Variants in RHOH observed in about 807,000 individuals in gnomAD.
The protein encoded by RHOH is rho-related GTP-binding protein RhoH.
Under a neutral mutation model 13.8 loss-of-function variants are expected in RHOH, and 6 were observed. That is an observed-to-expected ratio of 0.44 (90% confidence interval 0.24 to 0.86). The LOEUF (loss-of-function observed/expected upper bound fraction) is 0.86. Among genes scored for constraint, RHOH ranks in the 40% least tolerant of loss-of-function variants. RHOH has a pLI of 0.24. For missense variants in RHOH, 147 were observed against 244.5 expected, an observed-to-expected ratio of 0.60 and a Z score of 2.66; for synonymous variants, 117 against 103.0, an observed-to-expected ratio of 1.14 and a Z score of -0.82.
intron 1 of RHOH, among the ~76,000 whole-genome samples, chr4:40,197,525 C>T (rs1723343545): frequency 1.3e-5 from 2 of 152,210 alleles, no homozygotes; most frequent in South Asian, 2.1e-4. Context: ...TGAAAAGTTA[C>T]AATAGTTGGC....
At chr4:40,205,376 A>C (rs918571618) in intron 1 of RHOH, among the ~76,000 whole-genome samples, 1 of 152,244 alleles carries the variant, frequency 6.6e-6, no homozygotes, top group African/African-American at 2.4e-5. Flanking sequence ...TACCCAGCCC[A>C]GCTGCTTTTA....
chr4:40,242,350 A>C (rs932165329), intron 1 of RHOH, among the ~76,000 whole-genome samples: 4 of 152,232 alleles, frequency 2.6e-5, no homozygotes, highest in Non-Finnish European at 4.4e-5. Flanking sequence ...GATGGCCACC[A>C]AAAATGTTAA....
rs1023659584 is a variant in RHOH at position 40,218,550 on chromosome 4, A to G, written c.-331+21250A>G. ...GGGCCAAGGCTGGGGGTGGAGAGGT[A>G]AGGCTAGGGAAGTCAAGGAAGGCAT... On this transcript the variant is annotated intron_variant, in intron 1 of 2. Coordinates refer to ENST00000381799, the MANE Select transcript of RHOH (RefSeq NM_004310.5). This position sits in a 1 kb window ranked among gnomAD's most constrained non-coding sequence, Gnocchi z 4.1. Among the ~76,000 whole-genome samples the G allele has an allele frequency of 3.3e-5, 5 of 152,272 alleles. No homozygotes were observed. In the South Asian group the frequency reaches 8.3e-4, roughly 25 times the overall value.
chr4:40,205,001 A>G (rs947472642), intron 1 of RHOH, among the ~76,000 whole-genome samples: 2 of 151,936 alleles, frequency 1.3e-5, no homozygotes, highest in African/African-American at 4.8e-5. Flanking sequence ...GGTGGCTCAC[A>G]CTTGTAATCC....
At chr4:40,241,488 T>C (rs1292977640) in intron 1 of RHOH, among the ~76,000 whole-genome samples, 2 of 152,238 alleles carry the variant, frequency 1.3e-5, no homozygotes, top group Non-Finnish European at 2.9e-5. Context: ...GGCTTACATG[T>C]GTTTAAAAAC....
intron 1 of RHOH, among the ~76,000 whole-genome samples, chr4:40,221,413 CT>C (rs1489629822): frequency 2.0e-5 from 3 of 152,130 alleles, no homozygotes; most frequent in South Asian, 2.1e-4. Flanking sequence ...TTGAGCGAGT[CT>C]ATCGGCACCA....
intron 1 of RHOH, among the ~76,000 whole-genome samples, chr4:40,237,926 A>G (rs1728777223): frequency 6.6e-6 from 1 of 152,256 alleles, no homozygotes; most frequent in Admixed American, 6.5e-5. Flanking sequence ...CTATATTATG[A>G]TGTATTGTTC....
chr4:40,198,087 T>C (rs1337095655), intron 1 of RHOH, among the ~76,000 whole-genome samples: 1 of 152,300 alleles, frequency 6.6e-6, no homozygotes, highest in African/African-American at 2.4e-5. Context: ...GTAGTTGTGA[T>C]AAGAAGTAAA....
At chr4:40,202,426 G>GA (rs1724131470) in intron 1 of RHOH, among the ~76,000 whole-genome samples, 1 of 152,204 alleles carries the variant, frequency 6.6e-6, no homozygotes. Context: ...TTAGAATGGT[G>GA]AAATAGTAGA....
At chr4:40,203,582 G>A (rs890103311) in intron 1 of RHOH, among the ~76,000 whole-genome samples, 1 of 151,936 alleles carries the variant, frequency 6.6e-6, no homozygotes, top group Admixed American at 6.6e-5. Context: ...TGAAGGTGAA[G>A]CCGCTACTTA....
upstream of RHOH, chr4:40,193,782 G>T (rs540311827): frequency 6.5e-6 from 1 of 152,788 alleles, no homozygotes; most frequent in Admixed American, 6.5e-5. Context: ...GGTCAGCCAG[G>T]GGGTGAAAGG....
Position 40,245,474 on chromosome 4 carries a change from G to C in RHOH, c.*1512G>C, listed in dbSNP as rs892218170. 6.6e-6 allele frequency: 1 copy of C among 150,662 alleles called. No homozygotes were observed. Among genetic ancestry groups the C allele is most frequent in the Non-Finnish European group, 1.5e-5 (1 of 67,876 alleles). 9.3% of individuals were successfully genotyped at this position (150,662 alleles called of 1,614,324 possible). A position where few individuals can be genotyped will look rare whatever the true frequency, so the allele number is the denominator to read the frequency against. On this transcript the variant is annotated 3_prime_UTR_variant, in exon 3 of 3. Transcript: ENST00000381799. ...GAATTGCTCGAACCTGGGAGGCGGA[G>C]GTTGCAGTAAGCCAAGATCGCGCCA...
intron 1 of RHOH, among the ~76,000 whole-genome samples, chr4:40,221,342 T>G (rs1379833932): frequency 6.6e-6 from 1 of 152,196 alleles, no homozygotes; most frequent in African/African-American, 2.4e-5. Flanking sequence ...GAATACCTCA[T>G]TTGATTGCGC....
intron 1 of RHOH, among the ~76,000 whole-genome samples, chr4:40,233,312 G>C (rs1009927163): frequency 1.3e-5 from 2 of 150,432 alleles, no homozygotes; most frequent in Non-Finnish European, 2.9e-5. Context: ...TTAGGGAAGA[G>C]GGGCTTAGAG....
chr4:40,192,379 C>T (rs1036547027), upstream of RHOH, among the ~76,000 whole-genome samples: 5 of 152,142 alleles, frequency 3.3e-5, no homozygotes, highest in Non-Finnish European at 7.4e-5. Flanking sequence ...ATGCTAATAG[C>T]AAGGGGGAGG....
intron 1 of RHOH, among the ~76,000 whole-genome samples, chr4:40,241,395 C>A (rs879087354): frequency 6.6e-6 from 1 of 152,230 alleles, no homozygotes; most frequent in Admixed American, 6.5e-5. Flanking sequence ...ACAGTGATCA[C>A]ATGAGGAAAG....
intron 1 of RHOH, among the ~76,000 whole-genome samples, chr4:40,223,661 C>T (rs1726862999): frequency 6.6e-6 from 1 of 151,460 alleles, no homozygotes; most frequent in Admixed American, 6.6e-5. Flanking sequence ...TAGACAGAGT[C>T]CCATTGTGTT....
intron 1 of RHOH, among the ~76,000 whole-genome samples, chr4:40,207,123 T>C (rs1724740180): frequency 6.6e-6 from 1 of 151,902 alleles, no homozygotes; most frequent in Non-Finnish European, 1.5e-5. Flanking sequence ...AGGGAATTGC[T>C]TGAACCTGGG....
chr4:40,197,598 T>A (rs1723357089), intron 1 of RHOH, among the ~76,000 whole-genome samples: 1 of 152,206 alleles, frequency 6.6e-6, no homozygotes, highest in Admixed American at 6.5e-5. Flanking sequence ...AGCTCAACTG[T>A]ATGGGTAGTT....
Sources: allele counts gnomAD v4.1 joint callset (sites outside exome capture counted in the v4.1 genomes callset), GRCh38; gene constraint gnomAD v4.1.1; non-coding constraint Gnocchi (gnomAD v3.1); transcripts MANE v1.5; gene names NCBI Gene and HGNC (gene_info 2026-07-23, HGNC 2026-07-21).